Variants in DYNC2I2 observed in about 807,000 individuals in gnomAD.
DYNC2I2 encodes the protein dynein 2 intermediate chain 2, also known as cytoplasmic dynein 2 intermediate chain 2.
Under a neutral mutation model 52.0 loss-of-function variants are expected in DYNC2I2, and 39 were observed. The observed-to-expected ratio is 0.75, with a 90% CI of 0.58 to 0.98. DYNC2I2 has a LOEUF of 0.98. Ranked by LOEUF, DYNC2I2 falls within the 50% of genes least tolerant of loss-of-function variation. The pLI, the probability that DYNC2I2 is intolerant of heterozygous loss-of-function variation, is 0.00. For missense variants in DYNC2I2, 743 were observed against 728.4 expected, an observed-to-expected ratio of 1.02 and a Z score of -0.23; for synonymous variants, 359 against 321.1, an observed-to-expected ratio of 1.12 and a Z score of -1.26.
chr9:128,643,660 TC>T (rs1860560273), intron 1 of DYNC2I2, among the ~76,000 whole-genome samples: 1 of 151,864 alleles, frequency 6.6e-6, no homozygotes, highest in Admixed American at 6.6e-5. Context: ...GCCACTGCAC[TC>T]CAGCCTGGGC....
chr9:128,673,574 C>T, the DYNC2I2 span, among the ~76,000 whole-genome samples: 2 of 150,560 alleles, frequency 1.3e-5, no homozygotes, highest in Non-Finnish European at 1.5e-5. Flanking sequence ...GGTGCAATCT[C>T]GGCTCACTGC....
At chr9:128,664,871 C>T in the DYNC2I2 span, among the ~76,000 whole-genome samples, 2 of 151,748 alleles carry the variant, frequency 1.3e-5, no homozygotes, top group Non-Finnish European at 2.9e-5. Context: ...ACCTGTAATC[C>T]CAGCACTTTG....
chr9:128,651,254 G>A (rs146746171), intron 1 of DYNC2I2: 657 of 58,858 alleles, frequency 0.011, 189 homozygotes, highest in African/African-American at 0.02. Flanking sequence ...CAGAAGGGCC[G>A]GGGGTAGTAG....
At chr9:128,683,770 T>A in the DYNC2I2 span, 1 of 727,406 alleles carries the variant, frequency 1.4e-6, no homozygotes, top group South Asian at 1.9e-5. Context: ...CATGTAAATA[T>A]CCCTTCCAGG....
chr9:128,656,449 C>A, intron 1 of DYNC2I2, 92 bp downstream of exon 1: 1 of 1,087,196 alleles, frequency 9.2e-7, no homozygotes, highest in Non-Finnish European at 1.1e-6. Flanking sequence ...ACCCGCCCGG[C>A]AGCCACGGTG....
rs549293252 is a variant in DYNC2I2, at chr9:128,637,252, G to A, written c.436-225C>T. 1.0e-3 allele frequency among the ~76,000 whole-genome samples: 158 copies of A among 152,288 alleles called. 1 individual carries two copies. Among genetic ancestry groups the A allele is most frequent in the Non-Finnish European group, 1.9e-3 (127 of 68,008 alleles). On this transcript the variant is annotated intron_variant, in intron 2 of 8. Transcript: ENST00000372715. ...GAGAAGCAAGGCCGACCAGGCTCCC[G>A]CCCAGAGGGGTGGCTGCCCTCACAG...
intron 2 of DYNC2I2, 143 bp downstream of exon 2, chr9:128,640,548 C>A (rs1007777355): frequency 7.6e-7 from 1 of 1,314,696 alleles, no homozygotes; most frequent in Non-Finnish European, 1.0e-6. Flanking sequence ...GGGAACCTAG[C>A]GCAGTACCAG....
the DYNC2I2 span, among the ~76,000 whole-genome samples, chr9:128,668,239 G>C: frequency 6.9e-6 from 1 of 144,368 alleles, no homozygotes; most frequent in African/African-American, 2.6e-5. Flanking sequence ...GATTACAGGC[G>C]TGAGCCACCA....
chr9:128,678,100 G>C, the DYNC2I2 span, among the ~76,000 whole-genome samples: 38 of 144,940 alleles, frequency 2.6e-4, no homozygotes, highest in African/African-American at 9.6e-4. Flanking sequence ...ACAGAGTTTC[G>C]CTTTCGTTGC....
the DYNC2I2 span, among the ~76,000 whole-genome samples, chr9:128,684,309 AG>A: frequency 6.6e-6 from 1 of 151,928 alleles, no homozygotes; most frequent in African/African-American, 2.4e-5. Flanking sequence ...AGCCAGCCTG[AG>A]GCCCCTCCTT....
chr9:128,636,007 C>G, intron 4 of DYNC2I2: 1 of 690,262 alleles, frequency 1.4e-6, no homozygotes, highest in Non-Finnish European at 2.6e-6. Context: ...TTGCCTGCCC[C>G]CTACCACTGA....
At chr9:128,659,069 G>A (rs1047369804), upstream of DYNC2I2, among the ~76,000 whole-genome samples, 1 of 151,474 alleles carries the variant, frequency 6.6e-6, no homozygotes, top group African/African-American at 2.4e-5. Context: ...ATCCCTTCAG[G>A]GCCCAAGATT....
chr9:128,644,972 G>C (rs1331413975), intron 1 of DYNC2I2, among the ~76,000 whole-genome samples: 2 of 152,180 alleles, frequency 1.3e-5, no homozygotes, highest in African/African-American at 4.8e-5. Flanking sequence ...TGTTGCGTGT[G>C]ATTTGACGGC....
rs1490218810 is a variant in DYNC2I2, at chr9:128,650,445, C to G, written c.186+6096G>C. ...TAAAAAGGATCTGCACCCTCAAACTCAGATCGAAAATTAAGGTCCAGGACA... is the reference window on the plus strand; with the variant it reads ...TAAAAAGGATCTGCACCCTCAAACTGAGATCGAAAATTAAGGTCCAGGACA... On this transcript the variant is annotated intron_variant, in intron 1 of 8. Coordinates refer to ENST00000372715, the MANE Select transcript of DYNC2I2 (RefSeq NM_052844.4). Among the ~76,000 whole-genome samples, 4 of 53,760 alleles carry G rather than the reference C, an allele frequency of 7.4e-5. 1 individual carries two copies. The highest frequency in any genetic ancestry group is 1.5e-4 in the African/African-American group (4 of 26,146). The allele number at this position is 53,760 out of a possible 152,430, so 35.3% of individuals were successfully genotyped here. A position where few individuals can be genotyped will look rare whatever the true frequency, so the allele number is the denominator to read the frequency against.
chr9:128,659,886 C>A (rs1052387031), upstream of DYNC2I2, among the ~76,000 whole-genome samples: 2 of 150,936 alleles, frequency 1.3e-5, no homozygotes. Flanking sequence ...CCAGCCTGGG[C>A]AACAAGAGCA....
chr9:128,668,172 G>C, the DYNC2I2 span, among the ~76,000 whole-genome samples: 2 of 151,850 alleles, frequency 1.3e-5, no homozygotes, highest in Admixed American at 1.3e-4. Flanking sequence ...TGTTGGCCAG[G>C]ATGGTCTTGA....
chr9:128,653,954 C>A (rs1364968016), intron 1 of DYNC2I2, among the ~76,000 whole-genome samples: 1 of 151,562 alleles, frequency 6.6e-6, no homozygotes, highest in Admixed American at 6.6e-5. Context: ...GAGCTTGCAG[C>A]GAGCCGAGAT....
rs768001508 is a variant in DYNC2I2, at chr9:128,634,240, G to A, written c.1358C>T (p.Ala453Val). Residue 453 changes from alanine (A) to valine (V), a missense_variant, in exon 8 of 9, where the codon GCT becomes GTT. Coordinates refer to ENST00000372715, the MANE Select transcript of DYNC2I2 (RefSeq NM_052844.4). The part of the protein sequence containing the change: ...WSPVRPLVFA[A>V]ASGKGDVQLF... ...CCCCTTCCTACCTTTCCCAGAGGCA[G>A]CTGCAAAAACCAAGGGCCGCACTGG... 3.1e-6 allele frequency: 5 copies of A among 1,613,666 alleles called. No homozygotes were observed. In the East Asian group the frequency reaches 1.1e-4, roughly 36 times the overall value.
At chr9:128,636,003 G>GC (rs1479395507) in intron 4 of DYNC2I2, 6 of 682,088 alleles carry the variant, frequency 8.8e-6, no homozygotes, top group Non-Finnish European at 1.0e-5. Context: ...AGCGTTGCCT[G>GC]CCCCCTACCA....
Sources: gnomAD v4.1 joint callset for allele counts (sites outside exome capture counted in the v4.1 genomes callset) on GRCh38, gnomAD v4.1.1 for gene constraint, MANE v1.5 for transcripts, NCBI Gene and HGNC (gene_info 2026-07-23, HGNC 2026-07-21) for gene names.